Variants in RAB38 observed in about 807,000 individuals in gnomAD.
The protein encoded by RAB38 is ras-related protein Rab-38.
RAB38 carries 15 observed loss-of-function variants against 18.4 expected under a neutral mutation model. The ratio of observed to expected loss-of-function variants is 0.82; its 90% confidence interval spans 0.55 to 1.26. The LOEUF is 1.26. RAB38 is among the 50% of genes most tolerant of loss of function. RAB38 has a pLI of 0.00. For missense variants in RAB38, 294 were observed against 267.4 expected, an observed-to-expected ratio of 1.10 and a Z score of -0.69; for synonymous variants, 101 against 104.4, an observed-to-expected ratio of 0.97 and a Z score of 0.20.
the RAB38 span, among the ~76,000 whole-genome samples, chr11:87,976,322 GT>G: frequency 0.12 from 16,441 of 140,340 alleles, 1,572 homozygotes; most frequent in East Asian, 0.36. Context: ...ATATACCAGA[GT>G]TTTTTATATG....
chr11:88,082,321 GAAA>G, the RAB38 span, among the ~76,000 whole-genome samples: 1 of 150,382 alleles, frequency 6.6e-6, no homozygotes, highest in Admixed American at 6.6e-5. Context: ...ATATTAGAAA[GAAA>G]AAAAAATATT....
At chr11:88,035,625 C>G in the RAB38 span, among the ~76,000 whole-genome samples, 2 of 152,314 alleles carry the variant, frequency 1.3e-5, no homozygotes, top group African/African-American at 4.8e-5. Context: ...GACCAGAAAT[C>G]TAAACCAGTC....
the RAB38 span, among the ~76,000 whole-genome samples, chr11:88,048,433 A>G: frequency 1.3e-5 from 2 of 152,194 alleles, no homozygotes; most frequent in Non-Finnish European, 2.9e-5. Flanking sequence ...AATCTTCAGG[A>G]AAGGCAGAAC....
the RAB38 span, among the ~76,000 whole-genome samples, chr11:88,020,366 A>G: frequency 6.6e-6 from 1 of 152,210 alleles, no homozygotes; most frequent in Non-Finnish European, 1.5e-5. Context: ...GAAGGTCATT[A>G]TATAATGATA....
At chr11:87,894,866 T>G in the RAB38 span, among the ~76,000 whole-genome samples, 1 of 151,410 alleles carries the variant, frequency 6.6e-6, no homozygotes, top group Non-Finnish European at 1.5e-5. Flanking sequence ...TATAGTATTG[T>G]GGGGGAACTA....
intron 1 of RAB38, chr11:88,167,216 T>A (rs1565222148): frequency 6.6e-6 from 1 of 152,110 alleles, no homozygotes. Context: ...TGTTTTTTTT[T>A]AGCTAGAGAC....
the RAB38 span, among the ~76,000 whole-genome samples, chr11:87,944,094 G>C: frequency 6.6e-6 from 1 of 152,108 alleles, no homozygotes; most frequent in African/African-American, 2.4e-5. Flanking sequence ...GCATATGCAA[G>C]TTATGTTTAT....
chr11:87,811,555 T>G, the RAB38 span, among the ~76,000 whole-genome samples: 5 of 152,128 alleles, frequency 3.3e-5, no homozygotes, highest in Non-Finnish European at 5.9e-5. Flanking sequence ...GGCCCTCTAT[T>G]TGGAATATTT....
chr11:87,849,773 T>A, the RAB38 span, among the ~76,000 whole-genome samples: 1 of 152,142 alleles, frequency 6.6e-6, no homozygotes, highest in African/African-American at 2.4e-5. Flanking sequence ...TAGGTAAGTG[T>A]CATAGAACTT....
chr11:87,952,736 T>C, the RAB38 span, among the ~76,000 whole-genome samples: 1 of 152,124 alleles, frequency 6.6e-6, no homozygotes, highest in South Asian at 2.1e-4. Flanking sequence ...TCAGGAAATA[T>C]TTAATAGAAG....
chr11:88,157,652 C>T (rs1368539739), intron 1 of RAB38, among the ~76,000 whole-genome samples: 1 of 152,060 alleles, frequency 6.6e-6, no homozygotes, highest in East Asian at 1.9e-4. Flanking sequence ...TCTTGAACCA[C>T]AGTGGAATAA....
the RAB38 span, among the ~76,000 whole-genome samples, chr11:87,965,061 A>G: frequency 6.6e-6 from 1 of 152,140 alleles, no homozygotes; most frequent in African/African-American, 2.4e-5. Flanking sequence ...GCATTATAGG[A>G]TGTTTAGCAG....
At chr11:87,925,041 T>A in the RAB38 span, among the ~76,000 whole-genome samples, 1 of 152,036 alleles carries the variant, frequency 6.6e-6, no homozygotes, top group Non-Finnish European at 1.5e-5. Flanking sequence ...GGGATGGTGA[T>A]GTCTTGAACC....
chr11:87,814,636 G>A, the RAB38 span, among the ~76,000 whole-genome samples: 3 of 152,154 alleles, frequency 2.0e-5, no homozygotes, highest in African/African-American at 4.8e-5. Context: ...TTTTCCCTGA[G>A]TTGTCCTGGG....
At chr11:88,056,698 G>C in the RAB38 span, among the ~76,000 whole-genome samples, 1 of 152,076 alleles carries the variant, frequency 6.6e-6, no homozygotes, top group Middle Eastern at 3.2e-3. Flanking sequence ...CAGCTACTCG[G>C]AAGGCTGAGG....
At chr11:87,895,879 T>G in the RAB38 span, among the ~76,000 whole-genome samples, 1 of 151,644 alleles carries the variant, frequency 6.6e-6, no homozygotes, top group Admixed American at 6.6e-5. Context: ...TAGAGGAGGA[T>G]AAAAACCAAG....
intron 2 of RAB38, among the ~76,000 whole-genome samples, chr11:88,137,350 A>C (rs1942848750): frequency 6.6e-6 from 1 of 152,202 alleles, no homozygotes; most frequent in African/African-American, 2.4e-5. Context: ...ATCAGAAAAA[A>C]CTTCAGAAAA....
chr11:87,865,203 C>T, the RAB38 span, among the ~76,000 whole-genome samples: 1 of 151,578 alleles, frequency 6.6e-6, no homozygotes, highest in South Asian at 2.1e-4. Context: ...TCCATATACT[C>T]ATGCCTGGAA....
At chr11:87,976,276 G>GTA in the RAB38 span, among the ~76,000 whole-genome samples, 13,649 of 140,102 alleles carry the variant, frequency 0.097, 814 homozygotes, top group South Asian at 0.18. Flanking sequence ...GAAGGTGTGT[G>GTA]TATATATATA....
Sources: allele counts gnomAD v4.1 joint callset (sites outside exome capture counted in the v4.1 genomes callset), GRCh38; gene constraint gnomAD v4.1.1; transcripts MANE v1.5; gene names NCBI Gene and HGNC (gene_info 2026-07-23, HGNC 2026-07-21).